Variants in RBM19 observed in about 807,000 individuals in gnomAD.
RBM19 encodes RNA binding motif protein 19.
A neutral mutation model predicts 116.8 loss-of-function variants in RBM19; 94 were observed. That is an observed-to-expected ratio of 0.80 (90% confidence interval 0.68 to 0.95). The LOEUF (loss-of-function observed/expected upper bound fraction) is 0.95, where lower values mean the gene tolerates loss of function less well. RBM19 is among the 40% of genes least tolerant of loss of function. The pLI is 0.00. For synonymous variants in RBM19, 475 were observed against 494.1 expected (o/e 0.96, Z 0.51); for missense variants, 1,161 against 1,220.7 (o/e 0.95, Z 0.73).
At chr12:113,909,529 T>C (rs1289692997) in intron 21 of RBM19, among the ~76,000 whole-genome samples, 2 of 152,056 alleles carry the variant, frequency 1.3e-5, no homozygotes, top group East Asian at 1.9e-4. Flanking sequence ...CTGACTCCAA[T>C]GGCTGGAAGG....
chr12:113,949,365 G>C (rs572186303), intron 9 of RBM19, among the ~76,000 whole-genome samples: 15 of 152,302 alleles, frequency 9.8e-5, no homozygotes, highest in African/African-American at 3.6e-4. Context: ...AAGGGTCTTA[G>C]GTGACAGCCC....
intron 23 of RBM19, among the ~76,000 whole-genome samples, chr12:113,843,268 G>A (rs1212891637): frequency 6.6e-6 from 1 of 152,172 alleles, no homozygotes; most frequent in Non-Finnish European, 1.5e-5. Flanking sequence ...GTTGGGGGAT[G>A]CTGGCAGCAA....
At position 113,940,176 on chromosome 12, in the gene RBM19, GCA is replaced by G. The variant is rs1870441827; in HGVS notation, c.1738-18_1738-17del. The G allele has an allele frequency of 1.9e-6, 3 of 1,608,534 alleles. No homozygotes were observed. In the East Asian group the frequency reaches 6.7e-5, roughly 36 times the overall value. On this transcript the variant is annotated splice_polypyrimidine_tract_variant and intron_variant, in intron 14 of 23. Transcript: ENST00000261741. ...CTGCTGCAGCCTGCAAAGAGGAAAT[GCA>G]CACACATGGGACCACAGGAGGGAGG...
intron 21 of RBM19, among the ~76,000 whole-genome samples, chr12:113,907,814 C>T (rs1312219318): frequency 2.0e-5 from 3 of 152,052 alleles, no homozygotes; most frequent in African/African-American, 7.2e-5. Flanking sequence ...GCCAGAGCAT[C>T]GATATTTGGA....
rs1390076658 is a variant in RBM19, at chr12:113,947,387, A to G, written c.1354T>C (p.Phe452Leu). Residue 452 changes from phenylalanine to leucine, a missense_variant, in exon 11 of 24, where the codon TTC (phenylalanine) becomes CTC (leucine). By Grantham distance (22) the Phe-to-Leu change is conservative (BLOSUM62 0). Transcript: ENST00000261741. ...TAGGCCTTCACAGCGTGCTCAGGGA[A>G]CATGAAGGTGATGAATGCAAAACCC... is the stretch of plus-strand genomic sequence containing the variant. ...PKGFAFITFM[F>L]PEHAVKAYSE... 3 of 1,611,690 alleles carry G rather than the reference A, an allele frequency of 1.9e-6. No homozygotes were observed. The highest frequency in any genetic ancestry group is 2.2e-5 in the South Asian group (2 of 91,004).
rs148887476 is a variant in RBM19, at chr12:113,855,501, C to T, written c.2664+3290G>A. ...AACACAGGGGGCGACTATTTATCTT[C>T]ATCGAGGGTGCCATGACAGGAAATG... On this transcript the variant is annotated intron_variant, in intron 22 of 23. Transcript: ENST00000261741. Among the ~76,000 whole-genome samples the T allele has an allele frequency of 9.2e-5, 14 of 152,330 alleles. No individual in the cohort carries two copies. In the East Asian group the frequency reaches 9.7e-4, roughly 11 times the overall value.
At chr12:113,829,522 T>C (rs1380145765) in intron 23 of RBM19, among the ~76,000 whole-genome samples, 1 of 152,218 alleles carries the variant, frequency 6.6e-6, no homozygotes, top group Non-Finnish European at 1.5e-5. Flanking sequence ...TTAGCAAGCA[T>C]GACCCAGCAT....
At chr12:113,819,932 C>T (rs1874303848), downstream of RBM19, among the ~76,000 whole-genome samples, 1 of 152,150 alleles carries the variant, frequency 6.6e-6, no homozygotes, top group African/African-American at 2.4e-5. Context: ...TTTCCTAGTT[C>T]CCGTTTAAAA....
At chr12:113,964,474 T>C (rs778888762) in intron 1 of RBM19, among the ~76,000 whole-genome samples, 1 of 152,208 alleles carries the variant, frequency 6.6e-6, no homozygotes, top group Non-Finnish European at 1.5e-5. Flanking sequence ...TCAACTACAC[T>C]GTGAAGTGCA....
intron 22 of RBM19, among the ~76,000 whole-genome samples, chr12:113,858,301 T>C (rs1878072701): frequency 6.6e-6 from 1 of 152,220 alleles, no homozygotes; most frequent in South Asian, 2.1e-4. Context: ...CTGCAGGGGC[T>C]GCCCTCACAG....
rs956279599 is a variant in RBM19, at chr12:113,958,931, G to A, written c.571+281C>T. ...CACAACCATAATCACAGCTCCATAG[G>A]GGAATAAACCCTTCTGTCTTTTGCT... On this transcript the variant is annotated intron_variant, in intron 5 of 23. Transcript: ENST00000261741. Among the ~76,000 whole-genome samples the A allele has an allele frequency of 4.9e-4, 74 of 152,324 alleles. 1 individual carries two copies. Among genetic ancestry groups the A allele is most frequent in the African/African-American group, 1.6e-3 (68 of 41,572 alleles).
chr12:113,896,043 TA>T (rs1203645536), intron 21 of RBM19, among the ~76,000 whole-genome samples: 2 of 151,998 alleles, frequency 1.3e-5, no homozygotes, highest in Non-Finnish European at 1.5e-5. Flanking sequence ...GGGTGCATGG[TA>T]GGGGTACAAT....
At chr12:113,911,742 C>T (rs918705094) in intron 21 of RBM19, among the ~76,000 whole-genome samples, 4 of 152,260 alleles carry the variant, frequency 2.6e-5, no homozygotes, top group African/African-American at 7.2e-5. Context: ...ACTACTTTAC[C>T]GGGCCACGGT....
intron 19 of RBM19, among the ~76,000 whole-genome samples, chr12:113,919,590 T>C (rs982259141): frequency 6.6e-6 from 1 of 152,134 alleles, no homozygotes; most frequent in Non-Finnish European, 1.5e-5. Flanking sequence ...GAAGAACTTA[T>C]AGCTGGTGCA....
intron 22 of RBM19, among the ~76,000 whole-genome samples, chr12:113,846,311 C>T (rs938430898): frequency 1.3e-5 from 2 of 152,060 alleles, no homozygotes; most frequent in South Asian, 4.1e-4. Context: ...TGGATGGGAA[C>T]CCATCCAACT....
intron 20 of RBM19, among the ~76,000 whole-genome samples, chr12:113,917,000 A>G (rs1882811691): frequency 6.6e-6 from 1 of 152,252 alleles, no homozygotes; most frequent in Non-Finnish European, 1.5e-5. Flanking sequence ...CTAAATAGCC[A>G]TGTGTGGCAA....
chr12:113,833,021 C>T (rs1173564906), intron 23 of RBM19, among the ~76,000 whole-genome samples: 1 of 152,094 alleles, frequency 6.6e-6, no homozygotes. Flanking sequence ...TGATGACTTC[C>T]AAATTTATAT....
chr12:113,823,998 G>A (rs1461845140), intron 23 of RBM19, among the ~76,000 whole-genome samples: 1 of 152,226 alleles, frequency 6.6e-6, no homozygotes, highest in Non-Finnish European at 1.5e-5. Flanking sequence ...CTTTGAAGAG[G>A]AGGACTATTT....
intron 22 of RBM19, among the ~76,000 whole-genome samples, chr12:113,850,983 T>C (rs1054708804): frequency 1.3e-5 from 2 of 151,996 alleles, no homozygotes; most frequent in Non-Finnish European, 2.9e-5. Context: ...CTCCCTGGGG[T>C]GTTTTAACGC....
Sources: gnomAD v4.1 joint callset for allele counts (sites outside exome capture counted in the v4.1 genomes callset) on GRCh38, gnomAD v4.1.1 for gene constraint, MANE v1.5 for transcripts, NCBI Gene and HGNC (gene_info 2026-07-23, HGNC 2026-07-21) for gene names.